DHX15: variants seen among roughly 807,000 people sequenced by gnomAD.
The protein encoded by DHX15 is ATP-dependent RNA helicase DHX15.
Under a neutral mutation model 94.4 loss-of-function variants are expected in DHX15, and 11 were observed. The observed-to-expected ratio is 0.12, with a 90% confidence interval of 0.07 to 0.19. The LOEUF (loss-of-function observed/expected upper bound fraction) is 0.19, where lower values mean the gene tolerates loss of function less well. DHX15 is among the 10% of genes least tolerant of loss of function. The pLI, the probability that DHX15 is intolerant of heterozygous loss-of-function variation, is 1.00. For missense variants in DHX15, 304 were observed against 988.5 expected (o/e 0.31, Z 9.29); for synonymous variants, 338 against 329.9 (o/e 1.02, Z -0.27).
chr4:24,555,307 C>CAAA (rs11379820), intron 4 of DHX15, among the ~76,000 whole-genome samples: 10 of 139,752 alleles, frequency 7.2e-5, no homozygotes, highest in Non-Finnish European at 1.1e-4. Context: ...ACAGAAAATG[C>CAAA]AAAAAAAAAA....
intron 5 of DHX15, among the ~76,000 whole-genome samples, chr4:24,549,882 T>G (rs568859416): frequency 6.6e-6 from 1 of 151,472 alleles, no homozygotes; most frequent in Non-Finnish European, 1.5e-5. Flanking sequence ...TCACCTGAGG[T>G]TGGGAGTTCG....
intron 12 of DHX15, chr4:24,530,024 T>A: frequency 1.9e-6 from 1 of 530,968 alleles, no homozygotes. Flanking sequence ...AAAAATATCA[T>A]ACAAAAAACA....
At chr4:24,545,689 G>C (rs368339764) in intron 6 of DHX15, among the ~76,000 whole-genome samples, 21 of 152,200 alleles carry the variant, frequency 1.4e-4, no homozygotes, top group African/African-American at 4.8e-4. Flanking sequence ...TTCAGCAGTT[G>C]AGTGAGGCAA....
At chr4:24,538,012 TA>T (rs568870863) in intron 10 of DHX15, 2 of 152,220 alleles carry the variant, frequency 1.3e-5, no homozygotes, top group Non-Finnish European at 2.9e-5. Context: ...GATATGTAAC[TA>T]CAGTTATTTG....
chr4:24,540,677 A>G (rs1196031705), intron 9 of DHX15, among the ~76,000 whole-genome samples, 163 bp downstream of exon 9: 1 of 151,884 alleles, frequency 6.6e-6, no homozygotes, highest in Non-Finnish European at 1.5e-5. Context: ...TATAACTGTC[A>G]CCTTTTTTAG....
At chr4:24,535,304 G>A (rs1343084446) in intron 11 of DHX15, among the ~76,000 whole-genome samples, 1 of 152,104 alleles carries the variant, frequency 6.6e-6, no homozygotes, top group Non-Finnish European at 1.5e-5. Flanking sequence ...TCAGAAATAG[G>A]TCATACATCT....
At chr4:24,582,686 CAG>C (rs1722442012) in intron 1 of DHX15, among the ~76,000 whole-genome samples, 1 of 152,164 alleles carries the variant, frequency 6.6e-6, no homozygotes, top group Non-Finnish European at 1.5e-5. Context: ...ATGACAAAGG[CAG>C]GGTTCCAGAT....
At chr4:24,542,827 T>TAA in intron 7 of DHX15, 113 bp downstream of exon 7, 2 of 769,832 alleles carry the variant, frequency 2.6e-6, no homozygotes, top group Non-Finnish European at 4.1e-6. Flanking sequence ...AATTTGCAAA[T>TAA]AAAAAAAAAG....
At chr4:24,546,080 C>G (rs939238973) in intron 6 of DHX15, among the ~76,000 whole-genome samples, 3 of 152,172 alleles carry the variant, frequency 2.0e-5, no homozygotes, top group Non-Finnish European at 2.9e-5. Flanking sequence ...ATTTGCCCTA[C>G]CTGAATACTG....
chr4:24,548,686 T>C (rs1012819963), intron 6 of DHX15, among the ~76,000 whole-genome samples, 169 bp downstream of exon 6: 3 of 152,242 alleles, frequency 2.0e-5, no homozygotes, highest in Non-Finnish European at 4.4e-5. Flanking sequence ...GCAGTACTCA[T>C]TCTTACTTTA....
At chr4:24,583,110 T>C (rs1326852538) in intron 1 of DHX15, among the ~76,000 whole-genome samples, 1 of 152,238 alleles carries the variant, frequency 6.6e-6, no homozygotes, top group Non-Finnish European at 1.5e-5. Flanking sequence ...TACAGGTGAC[T>C]TGACACAGTG....
chr4:24,552,032 T>C (rs1243444949), intron 5 of DHX15, among the ~76,000 whole-genome samples: 1 of 152,224 alleles, frequency 6.6e-6, no homozygotes, highest in Admixed American at 6.5e-5. Flanking sequence ...ACTTAAGTTT[T>C]TAGATAAAGT....
intron 12 of DHX15, chr4:24,530,004 A>C: frequency 1.8e-6 from 1 of 553,388 alleles, no homozygotes. Context: ...TTTATCTTTA[A>C]TTAGAAAGAA....
At chr4:24,547,931 A>ATATATCTATC (rs1721478899) in intron 6 of DHX15, among the ~76,000 whole-genome samples, 1 of 36,326 alleles carries the variant, frequency 2.8e-5, no homozygotes, top group African/African-American at 1.3e-4. Context: ...ATATATATAT[A>ATATATCTATC]TATATATATA....
intron 6 of DHX15, among the ~76,000 whole-genome samples, chr4:24,547,578 G>C (rs1721451287): frequency 6.6e-6 from 1 of 151,932 alleles, no homozygotes; most frequent in South Asian, 2.1e-4. Context: ...TTCACTCAAT[G>C]GTAAACAAAC....
chr4:24,528,466 C>A (rs1019096088), intron 13 of DHX15, among the ~76,000 whole-genome samples: 4 of 152,104 alleles, frequency 2.6e-5, no homozygotes, highest in Non-Finnish European at 5.9e-5. Context: ...ACTCTATACC[C>A]CCAAAATACA....
At chr4:24,531,967 T>C (rs1360932051) in intron 12 of DHX15, among the ~76,000 whole-genome samples, 1 of 152,200 alleles carries the variant, frequency 6.6e-6, no homozygotes, top group African/African-American at 2.4e-5. Flanking sequence ...GCTCATATTC[T>C]AGCTACTGAG....
intron 5 of DHX15, among the ~76,000 whole-genome samples, chr4:24,550,186 T>C (rs78561466): frequency 0.011 from 1,700 of 150,042 alleles, 18 homozygotes; most frequent in Non-Finnish European, 0.017. Context: ...GGACTGAAAG[T>C]TGCTGTGAGT....
chr4:24,528,514 T>A (rs1721008294), intron 13 of DHX15, among the ~76,000 whole-genome samples: 1 of 152,206 alleles, frequency 6.6e-6, no homozygotes, highest in Admixed American at 6.5e-5. Context: ...GCTATATAAT[T>A]TTTTTCTCAA....
Sources: gnomAD v4.1 joint callset for allele counts (sites outside exome capture counted in the v4.1 genomes callset) on GRCh38, gnomAD v4.1.1 for gene constraint, MANE v1.5 for transcripts, NCBI Gene and HGNC (gene_info 2026-07-23, HGNC 2026-07-21) for gene names.